Variants in APTX observed in about 807,000 individuals in gnomAD.
The protein encoded by APTX is aprataxin, also known as forkhead-associated domain histidine triad-like protein.
Under a neutral mutation model 42.3 loss-of-function variants are expected in APTX, and 33 were observed. The observed-to-expected ratio is 0.78, with a 90% CI of 0.59 to 1.04. The LOEUF is 1.04. Ranked by LOEUF, APTX falls within the 50% of genes least tolerant of loss-of-function variation. APTX has a pLI of 0.00. For missense variants in APTX, 421 were observed against 415.1 expected, an observed-to-expected ratio of 1.01 and a Z score of -0.12; for synonymous variants, 130 against 146.7, an observed-to-expected ratio of 0.89 and a Z score of 0.82.
At chr9:33,013,114 CCT>C (rs536380501) in intron 1 of APTX, among the ~76,000 whole-genome samples, 111 of 152,282 alleles carry the variant, frequency 7.3e-4, no homozygotes, top group African/African-American at 2.5e-3. Flanking sequence ...TCTACTATTT[CCT>C]CTGTTTGAAT....
chr9:33,018,262 C>T (rs1838064503), intron 1 of APTX, among the ~76,000 whole-genome samples: 1 of 151,256 alleles, frequency 6.6e-6, no homozygotes. Context: ...AGGCACGTGC[C>T]ACTACACCTT....
intron 5 of APTX, 133 bp from the exon 6 acceptor site, chr9:32,984,990 G>C (rs1831592352): frequency 2.5e-6 from 2 of 790,088 alleles, no homozygotes; most frequent in Non-Finnish European, 4.3e-6. Context: ...TTTTGAGAGA[G>C]GAGAGCACTG....
At chr9:32,993,766 T>C (rs1206969061) in intron 1 of APTX, among the ~76,000 whole-genome samples, 1 of 150,972 alleles carries the variant, frequency 6.6e-6, no homozygotes, top group Non-Finnish European at 1.5e-5. Context: ...TTGCCCAGGC[T>C]GGAATGCAGT....
chr9:33,009,309 C>T (rs1337334758), intron 1 of APTX, among the ~76,000 whole-genome samples: 1 of 152,194 alleles, frequency 6.6e-6, no homozygotes, highest in Non-Finnish European at 1.5e-5. Context: ...ACTTACTTAA[C>T]CTGCCTTGCC....
At chr9:32,984,609 C>G (rs1425757129) in intron 6 of APTX, 22 bp downstream of exon 6, 13 of 1,608,256 alleles carry the variant, frequency 8.1e-6, no homozygotes, top group Non-Finnish European at 1.0e-5. Context: ...CAGGAGCCAG[C>G]AGCACTACCC....
chr9:33,003,302 TGTATA>T (rs1180241289), upstream of APTX, among the ~76,000 whole-genome samples: 4 of 152,184 alleles, frequency 2.6e-5, no homozygotes, highest in Non-Finnish European at 4.4e-5. Flanking sequence ...CATGGCACAA[TGTATA>T]GCTAAAGGTA....
At chr9:32,986,706 G>A (rs1260969773) in intron 4 of APTX, among the ~76,000 whole-genome samples, 2 of 151,692 alleles carry the variant, frequency 1.3e-5, no homozygotes, top group African/African-American at 2.4e-5. Context: ...TTGCCATGTT[G>A]GTCAGGCTGG....
Position 32,989,139 on chromosome 9 carries a change from C to A in APTX, c.133+620G>T, listed in dbSNP as rs145248955. ...CTCAGCTCAAGCATGGCTTTGTATC[C>A]CTCCACTTAGATTAACTCATATAGG... is the stretch of plus-strand genomic sequence containing the variant. On this transcript the variant is annotated intron_variant, in intron 2 of 7. Coordinates refer to ENST00000379817, the MANE Select transcript of APTX (RefSeq NM_001195248.2). 1.8e-4 allele frequency among the ~76,000 whole-genome samples: 28 copies of A among 152,266 alleles called. 2 individuals are homozygous for A. Among genetic ancestry groups the A allele is most frequent in the African/African-American group, 6.5e-4 (27 of 41,542 alleles).
At chr9:33,020,021 G>T (rs987310042) in intron 1 of APTX, 2 of 402,674 alleles carry the variant, frequency 5.0e-6, no homozygotes, top group Non-Finnish European at 9.0e-6. Flanking sequence ...TGCGGTGGGG[G>T]AGCTCCGCTG....
chr9:32,972,667 A>C lies in APTX; in HGVS notation c.*831T>G, dbSNP rs1328910140. On this transcript the variant is annotated 3_prime_UTR_variant, in exon 8 of 8. Transcript: ENST00000379817. Reference sequence around the variant, plus strand: ...AAAAAGAAAGTAGTGGCTCTACGCAACTTTTTCATTCACCAACCACCTTTC... The same window carrying C: ...AAAAAGAAAGTAGTGGCTCTACGCACCTTTTTCATTCACCAACCACCTTTC... 1 of 436,074 alleles carries C rather than the reference A, an allele frequency of 2.3e-6. No individual in the cohort carries two copies. Among genetic ancestry groups the C allele is most frequent in the African/African-American group, 2.0e-5 (1 of 49,328 alleles). 27.0% of individuals were successfully genotyped at this position (436,074 alleles called of 1,614,324 possible).
At chr9:32,977,173 T>C (rs1395302045) in intron 6 of APTX, among the ~76,000 whole-genome samples, 3 of 152,240 alleles carry the variant, frequency 2.0e-5, no homozygotes, top group Admixed American at 6.5e-5. Context: ...GAATTTTAAT[T>C]GATAAAAGTT....
At chr9:33,025,076 A>G (rs1838760869) in exon 1 of APTX, 1 of 152,528 alleles carries the variant, frequency 6.6e-6, no homozygotes, top group Non-Finnish European at 1.5e-5. Context: ...AGGGCTCCAG[A>G]AGATTCCACG....
chr9:32,998,735 G>C (rs1206687869), intron 1 of APTX, among the ~76,000 whole-genome samples: 3 of 152,094 alleles, frequency 2.0e-5, no homozygotes, highest in Admixed American at 6.6e-5. Context: ...TGAGGGGCTA[G>C]GGGAGGGATA....
chr9:32,990,008 A>G, intron 1 of APTX, 113 bp from the exon 2 acceptor site: 1 of 1,341,564 alleles, frequency 7.5e-7, no homozygotes, highest in Non-Finnish European at 1.0e-6. Context: ...ATCTTGAGGC[A>G]AGTGACTTCA....
chr9:33,001,774 A>G, upstream of APTX: 1 of 823,796 alleles, frequency 1.2e-6, no homozygotes, highest in African/African-American at 1.7e-5. Flanking sequence ...GGTCCAACTG[A>G]GGATCCTGGA....
intron 6 of APTX, among the ~76,000 whole-genome samples, chr9:32,979,404 G>A (rs1830196980): frequency 6.6e-6 from 1 of 152,176 alleles, no homozygotes; most frequent in Non-Finnish European, 1.5e-5. Context: ...GTATTCCATG[G>A]TGTATATGTA....
intron 6 of APTX, 131 bp downstream of exon 6, chr9:32,984,499 CA>C (rs1831417891): frequency 1.1e-6 from 1 of 878,818 alleles, no homozygotes; most frequent in East Asian, 2.6e-5. Flanking sequence ...AGCTTCAGCC[CA>C]CCTGCTTTGG....
rs1438816740 is a variant in APTX, at chr9:32,973,157, A to C, written c.*341T>G. ...GGCGGAGGATAAATCTAAGAAACAG[A>C]AATGTATAACCAGCCCAATGCTTCC... On this transcript the variant is annotated 3_prime_UTR_variant, in exon 8 of 8. Transcript: ENST00000379817. The C allele has an allele frequency of 4.2e-6, 2 of 475,916 alleles. No individual in the cohort carries two copies. The highest frequency in any genetic ancestry group is 4.1e-6 in the Non-Finnish European group (1 of 241,706). The allele number at this position is 475,916 out of a possible 1,614,324, so 29.5% of individuals were successfully genotyped here.
At chr9:32,998,853 C>T (rs2119073491) in intron 1 of APTX, among the ~76,000 whole-genome samples, 1 of 150,940 alleles carries the variant, frequency 6.6e-6, no homozygotes, top group East Asian at 1.9e-4. Context: ...GCACATGTAT[C>T]CCAGAACTTA....
Sources: gnomAD v4.1 joint callset for allele counts (sites outside exome capture counted in the v4.1 genomes callset) on GRCh38, gnomAD v4.1.1 for gene constraint, MANE v1.5 for transcripts, NCBI Gene and HGNC (gene_info 2026-07-23, HGNC 2026-07-21) for gene names.